The following FBXO42 variants were observed in gnomAD, a reference collection of about 807,000 sequenced individuals.
The protein encoded by FBXO42 is F-box protein 42, also known as F-box only protein 42.
In FBXO42, 12 loss-of-function variants were observed where a neutral mutation model predicts 71.7. The observed-to-expected ratio is 0.17, with a 90% CI of 0.11 to 0.27. The LOEUF is 0.27. FBXO42 is among the 10% of genes least tolerant of loss of function. The probability of loss-of-function intolerance (pLI) is 1.00; values close to 1 mark genes in which losing one functional copy is unlikely to be tolerated. For missense variants in FBXO42, 707 were observed against 911.9 expected (o/e 0.78, Z 2.89); for synonymous variants, 325 against 327.5 (o/e 0.99, Z 0.08).
intron 4 of FBXO42, among the ~76,000 whole-genome samples, chr1:16,281,012 A>G (rs1361076090): frequency 1.3e-5 from 2 of 152,136 alleles, no homozygotes; most frequent in Non-Finnish European, 2.9e-5. Context: ...CCCAGGCTGG[A>G]GTGCAATGAC....
intron 3 of FBXO42, among the ~76,000 whole-genome samples, chr1:16,296,667 AAC>A (rs1053102399): frequency 7.3e-5 from 11 of 151,232 alleles, no homozygotes; most frequent in East Asian, 3.9e-4. Context: ...AAAAAAAAAA[AAC>A]AAAAACAAAA....
chr1:16,253,595 C>T (rs766019404), intron 7 of FBXO42, 40 bp downstream of exon 7: 8 of 1,593,326 alleles, frequency 5.0e-6, no homozygotes, highest in Non-Finnish European at 6.9e-6. Flanking sequence ...CTGAAAGACG[C>T]TACAGTGTTT....
At chr1:16,347,793 TCCTGGCTAACACAGTGAAAC>T (rs1420489190) in intron 1 of FBXO42, among the ~76,000 whole-genome samples, 1 of 151,932 alleles carries the variant, frequency 6.6e-6, no homozygotes, top group African/African-American at 2.4e-5. Flanking sequence ...ATCGAGACAA[TCCTGGCTAACACAGTGAAAC>T]CCTGTCTTTA....
At chr1:16,326,014 TTGTG>T (rs34752325) in intron 1 of FBXO42, among the ~76,000 whole-genome samples, 1,569 of 137,498 alleles carry the variant, frequency 0.011, 17 homozygotes, top group African/African-American at 0.037. Context: ...GTGCCCAAAT[TTGTG>T]TGTGTGTGTG....
intron 4 of FBXO42, among the ~76,000 whole-genome samples, chr1:16,263,340 C>T (rs965884924): frequency 1.8e-4 from 28 of 151,958 alleles, no homozygotes; most frequent in African/African-American, 5.1e-4. Flanking sequence ...CCCAGCTACT[C>T]AGGAGGCTGA....
At chr1:16,313,458 G>A (rs1569907536) in intron 2 of FBXO42, among the ~76,000 whole-genome samples, 1 of 152,190 alleles carries the variant, frequency 6.6e-6, no homozygotes, top group African/African-American at 2.4e-5. Context: ...TCCCTTACCT[G>A]TGGTTTTCCT....
At chr1:16,341,699 G>C (rs1487253459) in intron 1 of FBXO42, among the ~76,000 whole-genome samples, 1 of 149,718 alleles carries the variant, frequency 6.7e-6, no homozygotes, top group African/African-American at 2.5e-5. Context: ...GGCCGGGTGC[G>C]GTGGCTCATG....
chr1:16,277,612 C>T (rs1272130076), intron 4 of FBXO42, among the ~76,000 whole-genome samples: 1 of 151,546 alleles, frequency 6.6e-6, no homozygotes, highest in Non-Finnish European at 1.5e-5. Flanking sequence ...GTAATCCCAG[C>T]TACTCAGGAG....
chr1:16,342,581 CAAAA>C (rs58125011), intron 1 of FBXO42, among the ~76,000 whole-genome samples: 1 of 125,348 alleles, frequency 8.0e-6, no homozygotes. Context: ...GATCCTGTCT[CAAAA>C]AAAAAAAAAA....
intron 7 of FBXO42, 187 bp downstream of exon 7, chr1:16,253,448 A>G (rs1211431006): frequency 2.1e-5 from 13 of 609,648 alleles, no homozygotes; most frequent in Non-Finnish European, 1.1e-5. Flanking sequence ...GGGGAGGAGC[A>G]TAATATAAAA....
intron 6 of FBXO42, among the ~76,000 whole-genome samples, chr1:16,254,984 C>T (rs2081624870): frequency 6.6e-6 from 1 of 152,148 alleles, no homozygotes; most frequent in African/African-American, 2.4e-5. Flanking sequence ...GCTCAACCAA[C>T]CTATCACATT....
Position 16,250,218 on chromosome 1 carries a change from G to C in FBXO42, c.*452C>G, listed in dbSNP as rs572113156. On this transcript the variant is annotated 3_prime_UTR_variant, in exon 10 of 10. Coordinates refer to ENST00000375592, the MANE Select transcript of FBXO42 (RefSeq NM_018994.3). The surrounding 1 kb of genome is among the most constrained non-coding windows in gnomAD (Gnocchi z 4.7). ...TACCCCGACAGCACCTGAAGCATGA[G>C]AGTCTAAAACCCTCCACCTTTGCAA... 6.6e-6 allele frequency: 1 copy of C among 152,468 alleles called. No individual in the cohort carries two copies. Among genetic ancestry groups the C allele is most frequent in the Admixed American group, 6.5e-5 (1 of 15,298 alleles). 9.4% of individuals were successfully genotyped at this position (152,468 alleles called of 1,614,324 possible).
chr1:16,326,302 T>A (rs1392768549), intron 1 of FBXO42, among the ~76,000 whole-genome samples: 1 of 151,226 alleles, frequency 6.6e-6, no homozygotes, highest in Admixed American at 6.6e-5. Flanking sequence ...GTGATCCATC[T>A]GCCTGGGCCT....
At chr1:16,321,986 T>C (rs762486019) in intron 1 of FBXO42, among the ~76,000 whole-genome samples, 2 of 151,592 alleles carry the variant, frequency 1.3e-5, no homozygotes, top group Non-Finnish European at 2.9e-5. Flanking sequence ...CTAGCCAACA[T>C]GGCGAAACCC....
chr1:16,277,723 C>CAA (rs552327405), intron 4 of FBXO42, among the ~76,000 whole-genome samples: 2,607 of 101,762 alleles, frequency 0.026, 73 homozygotes, highest in African/African-American at 0.089. Flanking sequence ...GATTCTGTCT[C>CAA]AAAAAAAAAA....
At chr1:16,283,069 T>G (rs1271045686) in intron 4 of FBXO42, among the ~76,000 whole-genome samples, 4 of 152,098 alleles carry the variant, frequency 2.6e-5, no homozygotes, top group Non-Finnish European at 4.4e-5. Context: ...ACCCACAGTT[T>G]AGGTAAGCTT....
intron 1 of FBXO42, among the ~76,000 whole-genome samples, chr1:16,345,588 G>A (rs1209059979): frequency 1.3e-5 from 2 of 151,872 alleles, no homozygotes; most frequent in Non-Finnish European, 2.9e-5. Context: ...GGTGGCTCAC[G>A]CCTGTAATCC....
intron 4 of FBXO42, among the ~76,000 whole-genome samples, chr1:16,267,124 T>C (rs2081784920): frequency 6.6e-6 from 1 of 152,206 alleles, no homozygotes; most frequent in Admixed American, 6.5e-5. Context: ...CTATTTGGAA[T>C]GGTCTCCAAA....
intron 1 of FBXO42, among the ~76,000 whole-genome samples, chr1:16,349,300 A>G (rs2082678961): frequency 6.6e-6 from 1 of 152,176 alleles, no homozygotes. Context: ...AACACTACAT[A>G]GCACTTAACG....
Sources: allele counts gnomAD v4.1 joint callset (sites outside exome capture counted in the v4.1 genomes callset), GRCh38; gene constraint gnomAD v4.1.1; non-coding constraint Gnocchi (gnomAD v3.1); transcripts MANE v1.5; gene names NCBI Gene and HGNC (gene_info 2026-07-23, HGNC 2026-07-21).